PCCA: variants seen among roughly 807,000 people sequenced by gnomAD.
PCCA encodes the protein propionyl-CoA carboxylase subunit alpha.
In PCCA, 74 loss-of-function variants were observed where a neutral mutation model predicts 101.3. The ratio of observed to expected loss-of-function variants is 0.73; its 90% CI spans 0.61 to 0.89. The LOEUF (loss-of-function observed/expected upper bound fraction) is 0.89, where lower values mean the gene tolerates loss of function less well. Among genes scored for constraint, PCCA ranks in the 40% least tolerant of loss-of-function variants. The pLI, the probability that PCCA is intolerant of heterozygous loss-of-function variation, is 0.00. For missense variants in PCCA, 891 were observed against 907.0 expected (o/e 0.98, Z 0.23); for synonymous variants, 294 against 313.6 (o/e 0.94, Z 0.66).
intron 9 of PCCA, among the ~76,000 whole-genome samples, chr13:100,260,719 T>C (rs146070781): frequency 3.0e-4 from 45 of 152,130 alleles, no homozygotes; most frequent in Admixed American, 9.2e-4. Flanking sequence ...TTTCCAATAT[T>C]ACTAGGTGGA....
intron 4 of PCCA, among the ~76,000 whole-genome samples, chr13:100,122,334 G>C (rs1373791174): frequency 3.3e-5 from 5 of 152,038 alleles, no homozygotes; most frequent in African/African-American, 9.7e-5. Flanking sequence ...CTTGGTTTTG[G>C]TGTTAGTGTG....
At chr13:100,358,554 A>G (rs2074191098) in intron 18 of PCCA, among the ~76,000 whole-genome samples, 1 of 152,218 alleles carries the variant, frequency 6.6e-6, no homozygotes, top group Non-Finnish European at 1.5e-5. Flanking sequence ...AAAATGTCCT[A>G]TATCTGCAAT....
intron 16 of PCCA, among the ~76,000 whole-genome samples, chr13:100,318,837 G>A (rs2067677570): frequency 6.6e-6 from 1 of 151,884 alleles, no homozygotes; most frequent in South Asian, 2.1e-4. Flanking sequence ...TAATCCTTTG[G>A]GTATATATAC....
intron 6 of PCCA, among the ~76,000 whole-genome samples, chr13:100,179,632 A>G (rs565759626): frequency 1.3e-5 from 2 of 152,162 alleles, no homozygotes; most frequent in South Asian, 4.1e-4. Context: ...TGATCCTGTC[A>G]TCTATTGACA....
chr13:100,283,716 G>A (rs1404820969), intron 12 of PCCA, among the ~76,000 whole-genome samples: 1 of 151,748 alleles, frequency 6.6e-6, no homozygotes, highest in Admixed American at 6.6e-5. Context: ...ATCAGAGAAA[G>A]GCCGCAGCCT....
chr13:100,200,831 A>G (rs2058436376), intron 6 of PCCA, among the ~76,000 whole-genome samples: 1 of 152,050 alleles, frequency 6.6e-6, no homozygotes, highest in Admixed American at 6.6e-5. Context: ...GTATAATTAA[A>G]TAAAGTCTAC....
At chr13:100,285,159 G>A (rs897001344) in intron 12 of PCCA, among the ~76,000 whole-genome samples, 2 of 152,166 alleles carry the variant, frequency 1.3e-5, no homozygotes, top group African/African-American at 4.8e-5. Context: ...AGTTGTGGGG[G>A]TTCCTTGGAA....
chr13:100,248,842 G>A lies in PCCA; in HGVS notation c.638-8753G>A, dbSNP rs543988707. Among the ~76,000 whole-genome samples the A allele has an allele frequency of 2.9e-3, 438 of 152,146 alleles. 1 individual carries two copies. The highest frequency in any genetic ancestry group is 0.017 in the Middle Eastern group (5 of 294). ...GCTCACTGCAACCTCCGCCTCCCGG[G>A]TTCAAGTGATCCTCCTGCCTCAGCC... On this transcript the variant is annotated intron_variant, in intron 8 of 23. Coordinates refer to ENST00000376285, the MANE Select transcript of PCCA (RefSeq NM_000282.4).
chr13:100,512,392 C>T (rs2086549270), intron 21 of PCCA, among the ~76,000 whole-genome samples: 1 of 152,246 alleles, frequency 6.6e-6, no homozygotes, highest in Non-Finnish European at 1.5e-5. Context: ...CCTCCCATTA[C>T]TGTCGTGTGT....
At chr13:100,221,746 A>AT (rs3034654) in intron 7 of PCCA, among the ~76,000 whole-genome samples, 17,377 of 121,452 alleles carry the variant, frequency 0.14, 1,735 homozygotes, top group African/African-American at 0.21. Flanking sequence ...TCCCTGGGAA[A>AT]TTTTTTTTTT....
At chr13:100,514,539 GAC>G (rs1345104563) in intron 21 of PCCA, among the ~76,000 whole-genome samples, 1 of 152,186 alleles carries the variant, frequency 6.6e-6, no homozygotes, top group Admixed American at 6.5e-5. Context: ...TTCACCAAGA[GAC>G]ACTTCCTCAA....
rs137983124 is a variant in PCCA, at chr13:100,299,149, T to A, written c.1066-2311T>A. ...TTAGCAGCTTGTTATTTTAGTTATC[T>A]GCTTAGTTGCTTCTAATTTGAATTA... On this transcript the variant is annotated intron_variant, in intron 12 of 23. Transcript: ENST00000376285. Among the ~76,000 whole-genome samples, 68 of 152,332 alleles carry A rather than the reference T, an allele frequency of 4.5e-4. 1 individual carries two copies. The highest frequency in any genetic ancestry group is 7.1e-4 in the Non-Finnish European group (48 of 68,028).
chr13:100,206,273 CTTTT>C (rs1050712238), intron 6 of PCCA, among the ~76,000 whole-genome samples: 2 of 151,804 alleles, frequency 1.3e-5, no homozygotes, highest in Admixed American at 6.6e-5. Context: ...CTAGTGTCCT[CTTTT>C]TTTTCTGGAG....
At chr13:100,413,037 G>A (rs2078147556) in intron 19 of PCCA, among the ~76,000 whole-genome samples, 1 of 152,078 alleles carries the variant, frequency 6.6e-6, no homozygotes, top group Non-Finnish European at 1.5e-5. Context: ...AATGTCACTG[G>A]TGGCCCCAGA....
At chr13:100,278,204 G>A (rs1345766420) in intron 12 of PCCA, among the ~76,000 whole-genome samples, 1 of 152,160 alleles carries the variant, frequency 6.6e-6, no homozygotes, top group Non-Finnish European at 1.5e-5. Context: ...TTTGGTTAAA[G>A]TGAAGACTTT....
chr13:100,505,483 G>C (rs747482804), intron 21 of PCCA, among the ~76,000 whole-genome samples: 1 of 152,138 alleles, frequency 6.6e-6, no homozygotes, highest in Non-Finnish European at 1.5e-5. Flanking sequence ...TAATCTATTT[G>C]CTCTCAAACA....
intron 12 of PCCA, among the ~76,000 whole-genome samples, chr13:100,275,996 T>C (rs1409770367): frequency 3.3e-5 from 5 of 152,146 alleles, no homozygotes; most frequent in Non-Finnish European, 7.4e-5. Flanking sequence ...TGGTAGTTTC[T>C]TTTAGAGGTT....
chr13:100,096,499 T>A (rs907571895), intron 1 of PCCA, among the ~76,000 whole-genome samples: 2 of 152,200 alleles, frequency 1.3e-5, no homozygotes, highest in East Asian at 3.8e-4. Context: ...ATTAATAATC[T>A]TCTAAGCGTT....
chr13:100,298,740 TTCCG>T (rs747925087), intron 12 of PCCA, among the ~76,000 whole-genome samples: 1 of 78,924 alleles, frequency 1.3e-5, no homozygotes, highest in Admixed American at 1.4e-4. Context: ...CCTTCCTTCC[TTCCG>T]TCCTTCCTTC....
Sources: allele counts gnomAD v4.1 joint callset (sites outside exome capture counted in the v4.1 genomes callset), GRCh38; gene constraint gnomAD v4.1.1; transcripts MANE v1.5; gene names NCBI Gene and HGNC (gene_info 2026-07-23, HGNC 2026-07-21).